Variants in ZMYM4 observed in about 807,000 individuals in gnomAD.
ZMYM4 encodes zinc finger MYM-type protein 4.
A neutral mutation model predicts 183.2 loss-of-function variants in ZMYM4; 31 were observed. That is an observed-to-expected ratio of 0.17 (90% CI 0.13 to 0.23). The LOEUF is 0.23. ZMYM4 is among the 10% of genes least tolerant of loss of function. The probability of loss-of-function intolerance (pLI) is 1.00; values close to 1 mark genes in which losing one functional copy is unlikely to be tolerated. For synonymous variants in ZMYM4, 592 were observed against 631.2 expected (o/e 0.94, Z 0.93); for missense variants, 1,273 against 1,840.3 (o/e 0.69, Z 5.64).
chr1:35,389,135 C>A lies in ZMYM4; in HGVS notation c.2436+53C>A. The A allele has an allele frequency of 6.6e-7, 1 of 1,518,766 alleles. No individual in the cohort carries two copies. The highest frequency in any genetic ancestry group is 1.3e-5 in the South Asian group (1 of 77,338). The allele number at this position is 1,518,766 out of a possible 1,614,324, so 94.1% of individuals were successfully genotyped here. On this transcript the variant is annotated intron_variant, in intron 14 of 29. Coordinates refer to ENST00000314607, the MANE Select transcript of ZMYM4 (RefSeq NM_005095.3). The surrounding 1 kb of genome is among the most constrained non-coding windows in gnomAD (Gnocchi z 4.0). The stretch of plus-strand genomic sequence containing the variant: ...TTCATTCTAGGGCATAAATTATTCC[C>A]TTTTAAAATTTCATGTCACATAAAG...
Position 35,271,103 on chromosome 1 carries a change from C to T in ZMYM4, c.39+2018C>T, listed in dbSNP as rs114949395. Among the ~76,000 whole-genome samples, 1,285 of 152,216 alleles carry T rather than the reference C, an allele frequency of 8.4e-3. 16 individuals carry two copies. Among genetic ancestry groups the T allele is most frequent in the African/African-American group, 0.029 (1,220 of 41,510 alleles). ...GATCCTTACTGTGCTTGGATGAAGG[C>T]ATATGGCATATAGTCCACCAATGAA... On this transcript the variant is annotated intron_variant, in intron 1 of 29. Coordinates refer to ENST00000314607, the MANE Select transcript of ZMYM4 (RefSeq NM_005095.3).
chr1:35,404,554 T>C (rs1178643840), intron 23 of ZMYM4, among the ~76,000 whole-genome samples: 2 of 152,264 alleles, frequency 1.3e-5, no homozygotes, highest in Admixed American at 1.3e-4. Context: ...GTGTCCTTTC[T>C]TCTTTGACCC....
chr1:35,325,272 G>C, intron 1 of ZMYM4, 88 bp from the exon 2 acceptor site: 1 of 1,224,872 alleles, frequency 8.2e-7, no homozygotes. Context: ...GAAAATTACA[G>C]CTCCTTGGGG....
chr1:35,356,867 C>G (rs969670649), intron 2 of ZMYM4, among the ~76,000 whole-genome samples: 1 of 151,986 alleles, frequency 6.6e-6, no homozygotes, highest in Non-Finnish European at 1.5e-5. Flanking sequence ...AAGAGAGCAA[C>G]TTGAGCAAAG....
intron 1 of ZMYM4, among the ~76,000 whole-genome samples, chr1:35,302,477 C>T (rs1420273260): frequency 6.6e-6 from 1 of 150,512 alleles, no homozygotes; most frequent in Non-Finnish European, 1.5e-5. Context: ...GCTCCGCCTC[C>T]CGGTTTCATG....
intron 1 of ZMYM4, among the ~76,000 whole-genome samples, chr1:35,312,505 C>T (rs934899003): frequency 3.3e-5 from 5 of 152,344 alleles, no homozygotes; most frequent in African/African-American, 1.2e-4. Flanking sequence ...CCAGAACCCT[C>T]TACCATATTC....
intron 1 of ZMYM4, among the ~76,000 whole-genome samples, chr1:35,280,246 CTT>C (rs1379109956): frequency 8.3e-5 from 12 of 144,514 alleles, no homozygotes; most frequent in African/African-American, 3.1e-4. Flanking sequence ...TTCTTTCTCT[CTT>C]TCTTTCTCTC....
intron 1 of ZMYM4, among the ~76,000 whole-genome samples, chr1:35,315,928 G>GCTACAAAAAAATAAA: frequency 6.6e-6 from 1 of 150,874 alleles, no homozygotes; most frequent in African/African-American, 2.4e-5. Context: ...CCTGTCTGGG[G>GCTACAAAAAAATAAA]GAAAAAAAAA....
At chr1:35,373,891 T>C (rs755695304) in intron 7 of ZMYM4, among the ~76,000 whole-genome samples, 5 of 152,100 alleles carry the variant, frequency 3.3e-5, no homozygotes, top group Non-Finnish European at 5.9e-5. Flanking sequence ...TTATAACTTA[T>C]GTAGTAAAAT....
intron 15 of ZMYM4, among the ~76,000 whole-genome samples, chr1:35,391,205 TCTGCAA>T (rs1463215466): frequency 6.6e-6 from 1 of 152,038 alleles, no homozygotes; most frequent in Non-Finnish European, 1.5e-5. Context: ...GAAGGGGAAG[TCTGCAA>T]AGACGCAGCG....
At position 35,389,754 on chromosome 1, in the gene ZMYM4, CAAA is replaced by C. The variant is rs1173420649; in HGVS notation, c.2437-181_2437-179del. Among the ~76,000 whole-genome samples, 1,802 of 91,564 alleles carry C rather than the reference CAAA, an allele frequency of 0.02. 48 individuals carry two copies. Among genetic ancestry groups the C allele is most frequent in the African/African-American group, 0.063 (1,706 of 27,076 alleles). 60.1% of individuals were successfully genotyped at this position (91,564 alleles called of 152,430 possible). On this transcript the variant is annotated intron_variant, in intron 14 of 29. Transcript: ENST00000314607. The surrounding 1 kb of genome is among the most constrained non-coding windows in gnomAD (Gnocchi z 4.0). ...TGGGCGATAGAGCAAGGCTCTGTCT[CAAA>C]AAAAAAAAAAAATATATATATATAT...
intron 2 of ZMYM4, among the ~76,000 whole-genome samples, chr1:35,333,794 C>A (rs544594698): frequency 6.6e-6 from 1 of 152,176 alleles, no homozygotes; most frequent in East Asian, 1.9e-4. Context: ...CTTTTCTCCT[C>A]CTCACTTCTC....
chr1:35,301,952 A>G (rs1641297611), intron 1 of ZMYM4, among the ~76,000 whole-genome samples: 1 of 152,186 alleles, frequency 6.6e-6, no homozygotes, highest in South Asian at 2.1e-4. Flanking sequence ...TTACTGTTCT[A>G]TTCTGCCTGT....
Position 35,402,597 on chromosome 1 carries a change from C to T in ZMYM4, c.3529-2426C>T, listed in dbSNP as rs182387195. Among the ~76,000 whole-genome samples the T allele has an allele frequency of 1.2e-3, 180 of 151,684 alleles. 1 individual carries two copies. Among genetic ancestry groups the T allele is most frequent in the African/African-American group, 3.5e-3 (144 of 41,342 alleles). On this transcript the variant is annotated intron_variant, in intron 23 of 29. Coordinates refer to ENST00000314607, the MANE Select transcript of ZMYM4 (RefSeq NM_005095.3). The stretch of plus-strand genomic sequence containing the variant: ...TCATGCCACTGCACTCTAGTCTGGG[C>T]GACAGAGCGAGACCCTGTCTCAAAA...
chr1:35,387,142 G>A lies in ZMYM4; in HGVS notation c.1976G>A (p.Ser659Asn). ...TCTGCTGTTTCTCCCACCTCCATCA[G>A]TAGCTCTGCTGCAGCTGGTCTCCAG... ...STSAVSPTSISSSAAAGLQRL... is the reference protein window; with the variant it reads ...STSAVSPTSINSSAAAGLQRL... The change falls in exon 12 of 30, where the codon AGT (serine) becomes AAT (asparagine). Residue 659 changes from serine to asparagine, a missense_variant. This residue lies in a region of ZMYM4 where 319 missense variants were observed against 518.1 expected (regional missense o/e 0.62). Coordinates refer to ENST00000314607, the MANE Select transcript of ZMYM4 (RefSeq NM_005095.3). The A allele has an allele frequency of 6.2e-7, 1 of 1,614,202 alleles. No individual in the cohort carries two copies. Among genetic ancestry groups the A allele is most frequent in the Non-Finnish European group, 8.5e-7 (1 of 1,180,024 alleles).
chr1:35,412,521 C>T (rs1179189446), intron 26 of ZMYM4, among the ~76,000 whole-genome samples: 4 of 152,114 alleles, frequency 2.6e-5, no homozygotes, highest in South Asian at 2.1e-4. Context: ...ATGTATGTTG[C>T]GTTATATGTA....
chr1:35,380,477 GC>G (rs1484356234), intron 7 of ZMYM4, among the ~76,000 whole-genome samples: 3 of 152,088 alleles, frequency 2.0e-5, no homozygotes, highest in African/African-American at 7.2e-5. Context: ...ACAGGCACAT[GC>G]CGCCACGCCT....
intron 1 of ZMYM4, among the ~76,000 whole-genome samples, chr1:35,295,412 G>A (rs1183534187): frequency 6.6e-6 from 1 of 152,200 alleles, no homozygotes; most frequent in Non-Finnish European, 1.5e-5. Context: ...CTGAACATGA[G>A]TGAGCAAGGT....
chr1:35,340,856 A>G (rs1407053015), intron 2 of ZMYM4, among the ~76,000 whole-genome samples: 1 of 152,032 alleles, frequency 6.6e-6, no homozygotes, highest in African/African-American at 2.4e-5. Flanking sequence ...CCTGCTATAA[A>G]GGATTATCAT....
Sources: gnomAD v4.1 joint callset for allele counts (sites outside exome capture counted in the v4.1 genomes callset) on GRCh38, gnomAD v4.1.1 for gene constraint, gnomAD v4.1.1 regional missense constraint, Gnocchi (gnomAD v3.1) non-coding constraint, MANE v1.5 for transcripts, NCBI Gene and HGNC (gene_info 2026-07-23, HGNC 2026-07-21) for gene names.